SEPHS1: variants seen among roughly 807,000 people sequenced by gnomAD.
SEPHS1 encodes the protein selenophosphate synthetase 1, also known as zincore component SEPHS1.
In SEPHS1, 7 loss-of-function variants were observed where a neutral mutation model predicts 39.2. The ratio of observed to expected loss-of-function variants is 0.18; its 90% CI spans 0.10 to 0.34. The LOEUF (loss-of-function observed/expected upper bound fraction) is 0.34. SEPHS1 is among the 10% of genes least tolerant of loss of function. The pLI, the probability that SEPHS1 is intolerant of heterozygous loss-of-function variation, is 1.00. For missense variants in SEPHS1, 253 were observed against 514.5 expected (o/e 0.49, Z 4.92); for synonymous variants, 190 against 195.5 (o/e 0.97, Z 0.23).
At chr10:13,339,980 G>C (rs1464824034) in intron 2 of SEPHS1, among the ~76,000 whole-genome samples, 1 of 152,164 alleles carries the variant, frequency 6.6e-6, no homozygotes, top group Non-Finnish European at 1.5e-5. Flanking sequence ...ATAGCCAAAA[G>C]CAGGGAAAAA....
intron 5 of SEPHS1, among the ~76,000 whole-genome samples, chr10:13,331,471 C>T (rs1300767514): frequency 1.3e-5 from 2 of 152,072 alleles, no homozygotes; most frequent in Non-Finnish European, 2.9e-5. Flanking sequence ...CTGCAACCTC[C>T]GCCTCCTGGG....
rs1198182830 is a variant in SEPHS1, at chr10:13,319,126, G to C, written c.*16C>G. ...ATCTATTTAAAAACAAAACCAAACAGCTATTTCTGTCTAGATTAAGAGGTG... is the reference window on the plus strand; with the variant it reads ...ATCTATTTAAAAACAAAACCAAACACCTATTTCTGTCTAGATTAAGAGGTG... On this transcript the variant is annotated 3_prime_UTR_variant, in exon 9 of 9. Coordinates refer to ENST00000327347, the MANE Select transcript of SEPHS1 (RefSeq NM_012247.5). 1 of 1,607,832 alleles carries C rather than the reference G, an allele frequency of 6.2e-7. No individual in the cohort carries two copies. Among genetic ancestry groups the C allele is most frequent in the South Asian group, 1.1e-5 (1 of 90,050 alleles).
At chr10:13,345,337 C>T (rs1213702338) in intron 1 of SEPHS1, 1 of 162,752 alleles carries the variant, frequency 6.1e-6, no homozygotes, top group Non-Finnish European at 1.3e-5. Flanking sequence ...TTCTAGGACT[C>T]AGCATTAGAA....
At chr10:13,336,972 A>T (rs1215863464) in intron 3 of SEPHS1, among the ~76,000 whole-genome samples, 1 of 152,192 alleles carries the variant, frequency 6.6e-6, no homozygotes. Context: ...CCAACATGGT[A>T]AAATGCTGTT....
At chr10:13,347,691 T>A (rs1165272625) in intron 1 of SEPHS1, among the ~76,000 whole-genome samples, 1 of 144,358 alleles carries the variant, frequency 6.9e-6, no homozygotes, top group African/African-American at 2.5e-5. Flanking sequence ...CGCAAAAATG[T>A]CGGCGGGCGA....
intron 6 of SEPHS1, among the ~76,000 whole-genome samples, chr10:13,328,760 G>A (rs756147269): frequency 2.9e-4 from 44 of 152,188 alleles, no homozygotes; most frequent in Admixed American, 3.3e-4. Flanking sequence ...CCTGCTAGTG[G>A]AGAAGGGCTC....
chr10:13,323,499 T>G (rs925392098), intron 7 of SEPHS1, among the ~76,000 whole-genome samples: 1 of 151,982 alleles, frequency 6.6e-6, no homozygotes, highest in African/African-American at 2.4e-5. Context: ...GGACTACAGG[T>G]GCGCACCACC....
intron 5 of SEPHS1, among the ~76,000 whole-genome samples, chr10:13,332,423 T>C (rs1363643231): frequency 6.6e-6 from 1 of 152,214 alleles, no homozygotes; most frequent in Non-Finnish European, 1.5e-5. Flanking sequence ...GAAAACATTC[T>C]GGAATTGGAT....
At chr10:13,320,723 C>T (rs766633990) in intron 8 of SEPHS1, among the ~76,000 whole-genome samples, 9 of 151,856 alleles carry the variant, frequency 5.9e-5, no homozygotes, top group Non-Finnish European at 1.2e-4. Context: ...CCCAGCTACT[C>T]GGGCTGAGGC....
At chr10:13,332,817 T>G (rs1833511175) in intron 5 of SEPHS1, among the ~76,000 whole-genome samples, 1 of 150,120 alleles carries the variant, frequency 6.7e-6, no homozygotes, top group Admixed American at 6.7e-5. Flanking sequence ...CACTCCAGCC[T>G]GGGCGACGGA....
At chr10:13,325,647 G>A (rs953937631) in intron 7 of SEPHS1, among the ~76,000 whole-genome samples, 4 of 151,986 alleles carry the variant, frequency 2.6e-5, no homozygotes, top group Admixed American at 2.6e-4. Context: ...GGGCATGGTG[G>A]CTCACGCCTG....
Position 13,329,680 on chromosome 10 carries a change from C to T in SEPHS1, c.651+18G>A, listed in dbSNP as rs766469081. ...CGTACCATTCCCCTCCCTCCCATCA[C>T]AGCAGTGGTTTACTCACGATATCCA... On this transcript the variant is annotated intron_variant, in intron 6 of 8. Transcript: ENST00000327347. 4.0e-5 allele frequency: 63 copies of T among 1,577,524 alleles called. No homozygotes were observed. In the Admixed American group the frequency reaches 6.9e-4, roughly 17 times the overall value.
intron 5 of SEPHS1, 152 bp downstream of exon 5, chr10:13,333,665 T>G: frequency 1.4e-6 from 1 of 710,098 alleles, no homozygotes; most frequent in East Asian, 2.9e-5. Context: ...GGTCTCAAAC[T>G]CCTGACCTCA....
At chr10:13,336,594 A>C (rs2130678298) in intron 3 of SEPHS1, among the ~76,000 whole-genome samples, 1 of 152,304 alleles carries the variant, frequency 6.6e-6, no homozygotes, top group South Asian at 2.1e-4. Flanking sequence ...AGGACAAAGA[A>C]TGTACCAGTT....
chr10:13,330,217 C>T (rs553640219), intron 5 of SEPHS1, among the ~76,000 whole-genome samples: 4 of 152,190 alleles, frequency 2.6e-5, no homozygotes, highest in Non-Finnish European at 5.9e-5. Context: ...ATTTTCACTA[C>T]AGACCCACTA....
intron 1 of SEPHS1, among the ~76,000 whole-genome samples, chr10:13,347,659 G>T (rs894634795): frequency 6.8e-6 from 1 of 146,698 alleles, no homozygotes; most frequent in African/African-American, 2.5e-5. Flanking sequence ...CCCGCCGCGC[G>T]CACGGGCCGC....
At chr10:13,324,734 C>A (rs1161028591) in intron 7 of SEPHS1, among the ~76,000 whole-genome samples, 1 of 152,224 alleles carries the variant, frequency 6.6e-6, no homozygotes, top group African/African-American at 2.4e-5. Flanking sequence ...ACCTCAGCTT[C>A]CCAAGTAGCT....
At chr10:13,332,731 T>C (rs1040016819) in intron 5 of SEPHS1, among the ~76,000 whole-genome samples, 8 of 151,458 alleles carry the variant, frequency 5.3e-5, no homozygotes, top group Non-Finnish European at 5.9e-5. Context: ...TAGTCCCAGC[T>C]ACTCGGGAAG....
intron 1 of SEPHS1, among the ~76,000 whole-genome samples, chr10:13,345,976 T>A (rs1005250136): frequency 2.0e-5 from 3 of 152,272 alleles, no homozygotes; most frequent in African/African-American, 4.8e-5. Flanking sequence ...CACAGTAAGG[T>A]CTGTGTTCTT....
Sources: allele counts gnomAD v4.1 joint callset (sites outside exome capture counted in the v4.1 genomes callset), GRCh38; gene constraint gnomAD v4.1.1; transcripts MANE v1.5; gene names NCBI Gene and HGNC (gene_info 2026-07-23, HGNC 2026-07-21).